The following AGAP1 variants were observed in gnomAD, a reference collection of about 807,000 sequenced individuals.
The protein encoded by AGAP1 is arf-GAP with GTPase, ANK repeat and PH domain-containing protein 1.
AGAP1 carries 29 observed loss-of-function variants against 105.3 expected under a neutral mutation model. That is an observed-to-expected ratio of 0.28 (90% confidence interval 0.21 to 0.38). The LOEUF is 0.38. Among genes scored for constraint, AGAP1 ranks in the 10% least tolerant of loss-of-function variants. The pLI is 1.00. For synonymous variants in AGAP1, 509 were observed against 485.9 expected, an observed-to-expected ratio of 1.05 and a Z score of -0.63; for missense variants, 998 against 1,165.1, an observed-to-expected ratio of 0.86 and a Z score of 2.09.
rs1181014632 is a variant in AGAP1 at position 236,096,768 on chromosome 2, G to C, written c.2115-23424G>C. On this transcript the variant is annotated intron_variant, in intron 16 of 17. Transcript: ENST00000304032. This position sits in a 1 kb window ranked among gnomAD's most constrained non-coding sequence, Gnocchi z 4.4. ...TAATTTTTTGTATTTTATTTTAGTA[G>C]AAATGGAGTTTCACCGTGTTGGCCA... Among the ~76,000 whole-genome samples the C allele has an allele frequency of 6.6e-6, 1 of 151,690 alleles. No homozygotes were observed. The highest frequency in any genetic ancestry group is 2.4e-5 in the African/African-American group (1 of 41,306).
At chr2:236,122,353 T>TG (rs1231896483) in intron 17 of AGAP1, among the ~76,000 whole-genome samples, 1 of 152,098 alleles carries the variant, frequency 6.6e-6, no homozygotes, top group Admixed American at 6.5e-5. Context: ...TCTAAAGTAC[T>TG]GGGTGTCAGG....
chr2:235,712,113 C>T lies in AGAP1; in HGVS notation c.222+2876C>T, dbSNP rs931431680. ...CATCTCGGCTCACTGCAACCTGCCT[C>T]CTGGGTTCAAGTGATTCTCGTGCCT... On this transcript the variant is annotated intron_variant, in intron 2 of 17. Coordinates refer to ENST00000304032, the MANE Select transcript of AGAP1 (RefSeq NM_001037131.3). This position sits in a 1 kb window ranked among gnomAD's most constrained non-coding sequence, Gnocchi z 6.0. 2.0e-5 allele frequency among the ~76,000 whole-genome samples: 3 copies of T among 152,136 alleles called. No individual in the cohort carries two copies. The highest frequency in any genetic ancestry group is 4.4e-5 in the Non-Finnish European group (3 of 68,022).
intron 16 of AGAP1, among the ~76,000 whole-genome samples, chr2:236,100,272 C>T (rs192051140): frequency 2.0e-4 from 31 of 152,294 alleles, no homozygotes; most frequent in African/African-American, 5.8e-4. Context: ...GCAAGTTAAA[C>T]TCTGTGTCGA....
chr2:235,607,188 C>A (rs550110047), intron 1 of AGAP1, among the ~76,000 whole-genome samples: 2 of 151,828 alleles, frequency 1.3e-5, no homozygotes, highest in Non-Finnish European at 2.9e-5. Flanking sequence ...AATCCAGAGC[C>A]CCCCCTTCCC....
intron 3 of AGAP1, among the ~76,000 whole-genome samples, chr2:235,735,437 A>T (rs192911466): frequency 6.6e-6 from 1 of 152,154 alleles, no homozygotes; most frequent in African/African-American, 2.4e-5. Flanking sequence ...CTGTAGCTCA[A>T]CCTCGCGTGA....
intron 9 of AGAP1, among the ~76,000 whole-genome samples, chr2:235,826,804 A>C (rs1003199924): frequency 2.0e-5 from 3 of 152,170 alleles, no homozygotes; most frequent in African/African-American, 7.2e-5. Flanking sequence ...TTCTTCACGA[A>C]GTTCCTGTGG....
intron 3 of AGAP1, among the ~76,000 whole-genome samples, chr2:235,731,169 G>T (rs1951927517): frequency 6.6e-6 from 1 of 152,220 alleles, no homozygotes; most frequent in Non-Finnish European, 1.5e-5. Context: ...CTTGACCTGT[G>T]TAGGGTGGTA....
chr2:235,819,893 C>T (rs1302885822), intron 9 of AGAP1, among the ~76,000 whole-genome samples: 8 of 134,242 alleles, frequency 6.0e-5, no homozygotes, highest in East Asian at 2.1e-4. Context: ...TTTTTTTTTT[C>T]TTCTTTCTTT....
intron 3 of AGAP1, among the ~76,000 whole-genome samples, chr2:235,730,239 G>C (rs896031300): frequency 4.6e-5 from 7 of 152,052 alleles, no homozygotes; most frequent in Non-Finnish European, 8.8e-5. Flanking sequence ...GAGAAATAGG[G>C]TCTGAGGGAC....
At position 235,958,091 on chromosome 2, in the gene AGAP1, T is replaced by A. The variant is rs1187490059; in HGVS notation, c.1484-10371T>A. Among the ~76,000 whole-genome samples the A allele has an allele frequency of 6.6e-6, 1 of 152,210 alleles. No homozygotes were observed. Among genetic ancestry groups the A allele is most frequent in the African/African-American group, 2.4e-5 (1 of 41,456 alleles). On this transcript the variant is annotated intron_variant, in intron 12 of 17. Coordinates refer to ENST00000304032, the MANE Select transcript of AGAP1 (RefSeq NM_001037131.3). This position sits in a 1 kb window ranked among gnomAD's most constrained non-coding sequence, Gnocchi z 4.1. ...TTTCCATATAGATGCATGCTTCTTA[T>A]GAACATGTTTTAAAGCATTTTGTAT... is the stretch of plus-strand genomic sequence containing the variant.
Position 235,720,778 on chromosome 2 carries a change from G to A in AGAP1, c.310+3134G>A, listed in dbSNP as rs1951343504. ...GGATATGTAGACTGCTGGGAGGGGT[G>A]AGGGTGAGGGCCTTCCTGTCTTCAG... On this transcript the variant is annotated intron_variant, in intron 3 of 17. Coordinates refer to ENST00000304032, the MANE Select transcript of AGAP1 (RefSeq NM_001037131.3). This position sits in a 1 kb window ranked among gnomAD's most constrained non-coding sequence, Gnocchi z 5.0. 9 of 898,372 alleles carry A rather than the reference G, an allele frequency of 1.0e-5. No individual in the cohort carries two copies. The highest frequency in any genetic ancestry group is 1.2e-5 in the Non-Finnish European group (9 of 750,814). 55.7% of individuals were successfully genotyped at this position (898,372 alleles called of 1,614,324 possible).
At chr2:235,641,014 G>A (rs1947171817) in intron 1 of AGAP1, among the ~76,000 whole-genome samples, 1 of 152,088 alleles carries the variant, frequency 6.6e-6, no homozygotes, top group Non-Finnish European at 1.5e-5. Context: ...TCATAACTCT[G>A]CCTTTTTGTA....
intron 3 of AGAP1, among the ~76,000 whole-genome samples, chr2:235,718,136 ATTTT>A (rs528028937): frequency 2.7e-5 from 4 of 148,354 alleles, no homozygotes; most frequent in African/African-American, 9.8e-5. Flanking sequence ...TGAGAGTAAG[ATTTT>A]TTTTTTTGCC....
chr2:235,626,789 C>G (rs1220841847), intron 1 of AGAP1, among the ~76,000 whole-genome samples: 1 of 152,194 alleles, frequency 6.6e-6, no homozygotes, highest in Non-Finnish European at 1.5e-5. Flanking sequence ...ATGGTACCGT[C>G]TCTGGCAACT....
chr2:235,980,824 C>T (rs2055061193), intron 13 of AGAP1, among the ~76,000 whole-genome samples: 1 of 152,160 alleles, frequency 6.6e-6, no homozygotes, highest in Admixed American at 6.5e-5. Context: ...ATTGTTTCCT[C>T]CCTCCCCTCG....
chr2:235,831,569 A>T (rs934130119), intron 9 of AGAP1, among the ~76,000 whole-genome samples: 26 of 152,218 alleles, frequency 1.7e-4, no homozygotes, highest in African/African-American at 5.5e-4. Context: ...ATAGAGGTGT[A>T]ACCTTTTCAG....
rs970645099 is a variant in AGAP1 at position 235,729,390 on chromosome 2, G to A, written c.311-11573G>A. The stretch of plus-strand genomic sequence containing the variant: ...AGTACCTCAGTGGCAGATGCAGCTC[G>A]TTCCAAGATGTTCCAGAGGCAGGAG... On this transcript the variant is annotated intron_variant, in intron 3 of 17. Coordinates refer to ENST00000304032, the MANE Select transcript of AGAP1 (RefSeq NM_001037131.3). This position sits in a 1 kb window ranked among gnomAD's most constrained non-coding sequence, Gnocchi z 5.0. Among the ~76,000 whole-genome samples, 8 of 152,152 alleles carry A rather than the reference G, an allele frequency of 5.3e-5. No individual in the cohort carries two copies. The highest frequency in any genetic ancestry group is 1.0e-4 in the Non-Finnish European group (7 of 68,036).
At position 235,905,007 on chromosome 2, in the gene AGAP1, G is replaced by A. The variant is rs2051236904; in HGVS notation, c.1156-3731G>A. ...TTTTAGAGCTAGTTCTTCTGAGGTT[G>A]TAACGCCTAACTCAGGCAAGAAAAC... is the stretch of plus-strand genomic sequence containing the variant. On this transcript the variant is annotated intron_variant, in intron 10 of 17. Coordinates refer to ENST00000304032, the MANE Select transcript of AGAP1 (RefSeq NM_001037131.3). The surrounding 1 kb of genome is among the most constrained non-coding windows in gnomAD (Gnocchi z 4.2). Among the ~76,000 whole-genome samples, 1 of 151,840 alleles carries A rather than the reference G, an allele frequency of 6.6e-6. No homozygotes were observed. Among genetic ancestry groups the A allele is most frequent in the African/African-American group, 2.4e-5 (1 of 41,356 alleles).
At chr2:235,522,607 T>G (rs547002052) in intron 1 of AGAP1, among the ~76,000 whole-genome samples, 9 of 152,190 alleles carry the variant, frequency 5.9e-5, no homozygotes, top group Non-Finnish European at 1.2e-4. Context: ...TGGACAATAC[T>G]GGCCCTGATG....
Sources: allele counts gnomAD v4.1 joint callset (sites outside exome capture counted in the v4.1 genomes callset), GRCh38; gene constraint gnomAD v4.1.1; non-coding constraint Gnocchi (gnomAD v3.1); transcripts MANE v1.5; gene names NCBI Gene and HGNC (gene_info 2026-07-23, HGNC 2026-07-21).